Variants in ABCC11 observed in about 807,000 individuals in gnomAD.
The protein encoded by ABCC11 is ATP binding cassette subfamily C member 11, also known as ATP-binding cassette sub-family C member 11.
ABCC11 carries 135 observed loss-of-function variants against 149.3 expected under a neutral mutation model. The ratio of observed to expected loss-of-function variants is 0.90; its 90% CI spans 0.79 to 1.04. The LOEUF is 1.04. Among genes scored for constraint, ABCC11 ranks in the 50% least tolerant of loss-of-function variants. The pLI is 0.00. For missense variants in ABCC11, 1,680 were observed against 1,722.1 expected, an observed-to-expected ratio of 0.98 and a Z score of 0.43; for synonymous variants, 665 against 671.4, an observed-to-expected ratio of 0.99 and a Z score of 0.15.
chr16:48,218,852 C>T (rs1969531613), intron 6 of ABCC11, among the ~76,000 whole-genome samples: 1 of 152,120 alleles, frequency 6.6e-6, no homozygotes, highest in Non-Finnish European at 1.5e-5. Flanking sequence ...ATAAATTACC[C>T]AGTCTTGGGT....
intron 1 of ABCC11, among the ~76,000 whole-genome samples, chr16:48,238,445 A>G (rs1034744723): frequency 1.3e-5 from 2 of 152,130 alleles, no homozygotes; most frequent in Admixed American, 6.5e-5. Context: ...GAAGTCGCTT[A>G]ACAAATAACT....
At chr16:48,180,908 C>G (rs567793681) in intron 23 of ABCC11, among the ~76,000 whole-genome samples, 3 of 152,306 alleles carry the variant, frequency 2.0e-5, no homozygotes, top group African/African-American at 7.2e-5. Flanking sequence ...TACAGCAGAC[C>G]TTGAAAAGAA....
chr16:48,173,208 G>A (rs1232266172), intron 26 of ABCC11, among the ~76,000 whole-genome samples: 2 of 152,160 alleles, frequency 1.3e-5, no homozygotes, highest in African/African-American at 4.8e-5. Flanking sequence ...TCAGAGAGAT[G>A]CTTAAGGGTA....
At chr16:48,216,346 G>A in intron 6 of ABCC11, 59 bp from the exon 7 acceptor site, 1 of 1,559,458 alleles carries the variant, frequency 6.4e-7, no homozygotes, top group Non-Finnish European at 8.8e-7. Context: ...CAGAAGGGGT[G>A]GCAGGTGGCC....
chr16:48,214,827 G>A (rs17744321), intron 9 of ABCC11, 54 bp downstream of exon 9: 94,387 of 1,605,354 alleles, frequency 0.059, 3,258 homozygotes, highest in Middle Eastern at 0.13. Context: ...AAAAGGACAC[G>A]TGAGAAAATT....
intron 6 of ABCC11, among the ~76,000 whole-genome samples, chr16:48,217,521 G>A (rs62059403): frequency 3.3e-4 from 50 of 152,146 alleles, no homozygotes; most frequent in East Asian, 5.8e-4. Context: ...ACTTGAGCCC[G>A]GCAGATCAAG....
In ABCC11 at chr16:48,211,200, CT is replaced by C. The variant is rs1206475549; in HGVS notation, c.1357-2del. The C allele has an allele frequency of 1.9e-6, 3 of 1,612,720 alleles. No individual in the cohort carries two copies. The Admixed American group carries it at 5.0e-5, about 27-fold the overall frequency. On this transcript the variant is annotated splice_acceptor_variant, in intron 10 of 29. Coordinates refer to ENST00000356608, the MANE Select transcript of ABCC11 (RefSeq NM_001370497.1). LOFTEE classifies it high-confidence loss of function. ...CAGGGCTCTCCTGGAGGAAAAACTT[CT>C]GTAAAGACAGAAAAAAATAGAGGGA...
intron 18 of ABCC11, 33 bp downstream of exon 18, chr16:48,196,199 A>C: frequency 2.5e-6 from 4 of 1,606,216 alleles, no homozygotes; most frequent in Non-Finnish European, 3.4e-6. Context: ...GGCTGCTCCA[A>C]GAGAGAGCCC....
At chr16:48,194,908 A>G (rs1414219078) in intron 18 of ABCC11, among the ~76,000 whole-genome samples, 1 of 152,238 alleles carries the variant, frequency 6.6e-6, no homozygotes, top group African/African-American at 2.4e-5. Flanking sequence ...ATAGGCTAAT[A>G]AAATGAGGAA....
At chr16:48,193,435 A>G (rs1342207846) in intron 19 of ABCC11, among the ~76,000 whole-genome samples, 1 of 152,160 alleles carries the variant, frequency 6.6e-6, no homozygotes, top group East Asian at 1.9e-4. Flanking sequence ...GTCCCCTTGG[A>G]AAAATGGAGA....
chr16:48,201,458 C>CT (rs1035134773), intron 14 of ABCC11, among the ~76,000 whole-genome samples: 27 of 146,002 alleles, frequency 1.8e-4, no homozygotes, highest in African/African-American at 4.3e-4. Context: ...GTTTTTAAAC[C>CT]TTTTTTTTTC....
chr16:48,245,590 A>G (rs1000823126), intron 1 of ABCC11, among the ~76,000 whole-genome samples: 5 of 152,146 alleles, frequency 3.3e-5, no homozygotes, highest in African/African-American at 1.2e-4. Context: ...TGAAAGTCCT[A>G]TGTTTTAGCC....
intron 25 of ABCC11, 32 bp from the exon 26 acceptor site, chr16:48,175,449 T>A: frequency 6.3e-7 from 1 of 1,589,630 alleles, no homozygotes; most frequent in Non-Finnish European, 8.6e-7. Flanking sequence ...GGGCCTCAGT[T>A]TCCTGCATCT....
chr16:48,177,329 A>G (rs995703754), intron 24 of ABCC11, among the ~76,000 whole-genome samples: 19 of 152,224 alleles, frequency 1.2e-4, no homozygotes, highest in Admixed American at 5.2e-4. Context: ...AAACCTGCAT[A>G]GCTAATTCCC....
At chr16:48,208,352 G>C in intron 12 of ABCC11, 73 bp downstream of exon 12, 1 of 1,571,850 alleles carries the variant, frequency 6.4e-7, no homozygotes, top group Non-Finnish European at 8.7e-7. Context: ...GGGGGGCCCC[G>C]CCTGGGGCAC....
chr16:48,232,062 G>A, intron 1 of ABCC11, 123 bp from the exon 2 acceptor site: 3 of 1,471,086 alleles, frequency 2.0e-6, no homozygotes, highest in Non-Finnish European at 2.7e-6. Context: ...GCCATGCAGA[G>A]GTTTGGGTGC....
chr16:48,220,759 G>T (rs1203612825), intron 6 of ABCC11, among the ~76,000 whole-genome samples: 2 of 152,186 alleles, frequency 1.3e-5, no homozygotes, highest in Admixed American at 1.3e-4. Flanking sequence ...GTTTGTTAGT[G>T]CTTGCATTTA....
At chr16:48,207,965 C>T (rs888198989) in intron 12 of ABCC11, among the ~76,000 whole-genome samples, 6 of 152,080 alleles carry the variant, frequency 3.9e-5, no homozygotes, top group South Asian at 4.1e-4. Flanking sequence ...ATTTCTCTTC[C>T]GACGCCATCC....
chr16:48,245,866 C>T (rs1158780502), intron 1 of ABCC11, among the ~76,000 whole-genome samples: 1 of 151,966 alleles, frequency 6.6e-6, no homozygotes, highest in African/African-American at 2.4e-5. Context: ...CAACAAGTAT[C>T]TTCAAACTCA....
Sources: allele counts gnomAD v4.1 joint callset (sites outside exome capture counted in the v4.1 genomes callset), GRCh38; gene constraint gnomAD v4.1.1; transcripts MANE v1.5; gene names NCBI Gene and HGNC (gene_info 2026-07-23, HGNC 2026-07-21).